TEN1: variants seen among roughly 807,000 people sequenced by gnomAD.
TEN1 encodes CST complex subunit TEN1.
In TEN1, 6 loss-of-function variants were observed where a neutral mutation model predicts 9.3. The ratio of observed to expected loss-of-function variants is 0.65; its 90% CI spans 0.35 to 1.27. The LOEUF is 1.27. TEN1 is among the 50% of genes most tolerant of loss of function. The pLI, the probability that TEN1 is intolerant of heterozygous loss-of-function variation, is 0.03. For missense variants in TEN1, 149 were observed against 158.2 expected, an observed-to-expected ratio of 0.94 and a Z score of 0.31; for synonymous variants, 65 against 65.6, an observed-to-expected ratio of 0.99 and a Z score of 0.04.
Position 76,000,126 on chromosome 17 carries a change from G to T in TEN1, c.251-15G>T. On this transcript the variant is annotated splice_polypyrimidine_tract_variant and intron_variant, in intron 3 of 3. Coordinates refer to ENST00000397640, the MANE Select transcript of TEN1 (RefSeq NM_001113324.3). The surrounding 1 kb of genome is among the most constrained non-coding windows in gnomAD (Gnocchi z 5.9). ...CCGCTCAGTCGCCGTTCGTGCCCTG[G>T]TGTTTGTCTTGCAGACAGAGGCTCC... 1 of 1,549,928 alleles carries T rather than the reference G, an allele frequency of 6.5e-7. No individual in the cohort carries two copies. The highest frequency in any genetic ancestry group is 1.2e-5 in the South Asian group (1 of 84,000).
At chr17:75,996,085 T>C (rs1355900497) in intron 3 of TEN1, among the ~76,000 whole-genome samples, 1 of 151,556 alleles carries the variant, frequency 6.6e-6, no homozygotes, top group Non-Finnish European at 1.5e-5. Flanking sequence ...AATGAGACCC[T>C]GTTTCTAAAG....
At chr17:75,995,480 C>T (rs1233772065) in intron 3 of TEN1, among the ~76,000 whole-genome samples, 3 of 152,190 alleles carry the variant, frequency 2.0e-5, no homozygotes, top group African/African-American at 4.8e-5. Flanking sequence ...ACTGACAGTA[C>T]TGAGGACAGG....
At chr17:75,980,334 GTC>G (rs1247760545) in intron 1 of TEN1, among the ~76,000 whole-genome samples, 3 of 151,896 alleles carry the variant, frequency 2.0e-5, no homozygotes, top group African/African-American at 2.4e-5. Context: ...GTGAGACCCT[GTC>G]TCTACAGAAA....
chr17:75,992,773 A>G (rs1427943722), intron 3 of TEN1, among the ~76,000 whole-genome samples: 1 of 147,764 alleles, frequency 6.8e-6, no homozygotes, highest in African/African-American at 2.5e-5. Flanking sequence ...CGGCCTCCCA[A>G]AGTGCTGGGA....
intron 3 of TEN1, among the ~76,000 whole-genome samples, chr17:75,995,617 C>T (rs2066213927): frequency 6.6e-6 from 1 of 152,222 alleles, no homozygotes; most frequent in Admixed American, 6.5e-5. Flanking sequence ...GGCCCGAGGG[C>T]CCCCTGTTCT....
At chr17:75,993,108 C>CTTT (rs141385494) in intron 3 of TEN1, among the ~76,000 whole-genome samples, 5 of 128,490 alleles carry the variant, frequency 3.9e-5, no homozygotes, top group Admixed American at 1.6e-4. Flanking sequence ...AAAGTTATTT[C>CTTT]TTTTTTTTTT....
chr17:75,997,242 G>A (rs1372742447), intron 3 of TEN1, among the ~76,000 whole-genome samples: 1 of 152,034 alleles, frequency 6.6e-6, no homozygotes, highest in Non-Finnish European at 1.5e-5. Flanking sequence ...TCTGCCAACT[G>A]TTGAGTGCAG....
chr17:75,993,815 C>T lies in TEN1; in HGVS notation c.250+2192C>T, dbSNP rs1425818194. Among the ~76,000 whole-genome samples, 3 of 151,762 alleles carry T rather than the reference C, an allele frequency of 2.0e-5. No individual in the cohort carries two copies. In the East Asian group the frequency reaches 5.9e-4, roughly 30 times the overall value. On this transcript the variant is annotated intron_variant, in intron 3 of 3. Transcript: ENST00000397640. The stretch of plus-strand genomic sequence containing the variant: ...ATTGAGACCATCCTGGCTAACATGG[C>T]GAAACCCCGTCTCTACTAAAAATAC...
chr17:75,980,086 C>T (rs2066105635), intron 1 of TEN1, among the ~76,000 whole-genome samples: 1 of 152,034 alleles, frequency 6.6e-6, no homozygotes, highest in Non-Finnish European at 1.5e-5. Flanking sequence ...CCTGGAATCC[C>T]AGCACTTTGG....
At chr17:75,984,818 T>C (rs2066142144) in intron 1 of TEN1, 1 of 152,326 alleles carries the variant, frequency 6.6e-6, no homozygotes, top group Admixed American at 6.5e-5. Context: ...ACTTGCCAGC[T>C]ATGATCAGGA....
chr17:75,982,775 A>G (rs1471786805), intron 1 of TEN1, among the ~76,000 whole-genome samples: 2 of 151,520 alleles, frequency 1.3e-5, no homozygotes, highest in Non-Finnish European at 2.9e-5. Flanking sequence ...CAGTGGCATG[A>G]TCTCGGCTCA....
At chr17:75,980,345 AAAAAAAC>A (rs1190484121) in intron 1 of TEN1, among the ~76,000 whole-genome samples, 2 of 152,154 alleles carry the variant, frequency 1.3e-5, no homozygotes, top group African/African-American at 2.4e-5. Context: ...TCTCTACAGA[AAAAAAAC>A]AAAAAACAAA....
chr17:75,987,539 C>T (rs748934983), intron 2 of TEN1, among the ~76,000 whole-genome samples: 1 of 152,130 alleles, frequency 6.6e-6, no homozygotes, highest in African/African-American at 2.4e-5. Context: ...TACTCAGCAT[C>T]GTAGGGGATG....
chr17:75,987,737 C>T (rs1252303116), intron 2 of TEN1, among the ~76,000 whole-genome samples: 7 of 150,570 alleles, frequency 4.6e-5, no homozygotes, highest in Non-Finnish European at 1.0e-4. Context: ...ACCAAAATGG[C>T]GAAACCCTGT....
chr17:75,990,356 C>T (rs1055787475), intron 2 of TEN1, among the ~76,000 whole-genome samples: 6 of 151,894 alleles, frequency 4.0e-5, no homozygotes, highest in Non-Finnish European at 7.4e-5. Context: ...GCTAGATATT[C>T]TTATGGTAGG....
intron 1 of TEN1, among the ~76,000 whole-genome samples, chr17:75,980,691 G>A (rs1359870688): frequency 2.0e-5 from 3 of 152,176 alleles, no homozygotes; most frequent in South Asian, 2.1e-4. Flanking sequence ...CCAAAGCGCC[G>A]GGATTACAGG....
intron 1 of TEN1, chr17:75,984,699 G>A (rs1413838129): frequency 2.0e-5 from 3 of 152,242 alleles, no homozygotes; most frequent in African/African-American, 7.2e-5. Context: ...TTGTTTTGAA[G>A]CATTTGTAGC....
chr17:75,989,051 G>A (rs960235937), intron 2 of TEN1, among the ~76,000 whole-genome samples: 1 of 151,922 alleles, frequency 6.6e-6, no homozygotes, highest in Admixed American at 6.6e-5. Flanking sequence ...GATTACAGGC[G>A]TGAGCCACCA....
chr17:75,986,028 A>G, intron 1 of TEN1, 159 bp from the exon 2 acceptor site: 3 of 517,076 alleles, frequency 5.8e-6, no homozygotes, highest in Non-Finnish European at 1.0e-5. Flanking sequence ...TCCTAATGCT[A>G]TCCCTCCCCC....
Sources: allele counts gnomAD v4.1 joint callset (sites outside exome capture counted in the v4.1 genomes callset), GRCh38; gene constraint gnomAD v4.1.1; non-coding constraint Gnocchi (gnomAD v3.1); transcripts MANE v1.5; gene names NCBI Gene and HGNC (gene_info 2026-07-23, HGNC 2026-07-21).